The following PCDHA7 variants were observed in gnomAD, a reference collection of about 807,000 sequenced individuals.
PCDHA7 encodes protocadherin alpha-7.
Under a neutral mutation model 57.2 loss-of-function variants are expected in PCDHA7, and 37 were observed. The observed-to-expected ratio is 0.65, with a 90% CI of 0.50 to 0.85. The LOEUF (loss-of-function observed/expected upper bound fraction) is 0.85. Among genes scored for constraint, PCDHA7 ranks in the 40% least tolerant of loss-of-function variants. PCDHA7 has a pLI of 0.00. For synonymous variants in PCDHA7, 553 were observed against 558.8 expected (o/e 0.99, Z 0.15); for missense variants, 1,188 against 1,241.8 (o/e 0.96, Z 0.65).
At chr5:140,919,452 A>G (rs1430872710) in intron 1 of PCDHA7, among the ~76,000 whole-genome samples, 4 of 152,182 alleles carry the variant, frequency 2.6e-5, no homozygotes, top group Non-Finnish European at 4.4e-5. Context: ...ATGTATTCAC[A>G]TGATGTTACT....
At chr5:140,898,720 T>C (rs1343662110) in intron 1 of PCDHA7, among the ~76,000 whole-genome samples, 5 of 152,214 alleles carry the variant, frequency 3.3e-5, no homozygotes, top group African/African-American at 4.8e-5. Flanking sequence ...TTTCCAATTC[T>C]GTGAAGAAAG....
intron 1 of PCDHA7, chr5:140,968,752 C>T: frequency 6.2e-7 from 1 of 1,614,094 alleles, no homozygotes; most frequent in Non-Finnish European, 8.5e-7. Context: ...CCGTGGTGGT[C>T]CGAGATAATG....
At chr5:140,942,364 A>AT (rs1401660324) in intron 1 of PCDHA7, among the ~76,000 whole-genome samples, 1 of 152,040 alleles carries the variant, frequency 6.6e-6, no homozygotes, top group Non-Finnish European at 1.5e-5. Context: ...GTTAACGGAG[A>AT]TTGCACCACT....
At chr5:140,996,597 C>G (rs183031992) in intron 3 of PCDHA7, among the ~76,000 whole-genome samples, 47 of 152,304 alleles carry the variant, frequency 3.1e-4, no homozygotes, top group African/African-American at 1.1e-3. Context: ...CGCCTCCCCC[C>G]ATTTTCATTT....
Position 140,834,302 on chromosome 5 carries a change from A to T in PCDHA7, c.-82A>T. The T allele has an allele frequency of 7.7e-7, 1 of 1,294,438 alleles. No homozygotes were observed. The highest frequency in any genetic ancestry group is 2.3e-5 in the East Asian group (1 of 43,158). 80.2% of individuals were successfully genotyped at this position (1,294,438 alleles called of 1,614,324 possible). On this transcript the variant is annotated 5_prime_UTR_variant, in exon 1 of 4. The change creates a premature stop within an existing upstream ORF in the 5' untranslated region. Coordinates refer to ENST00000525929, the MANE Select transcript of PCDHA7 (RefSeq NM_018910.3). ...GATGCACAACAATGGCCACACATCGAGATTGAAATGAAGGGATAAAAACAT... is the reference window on the plus strand; with the variant it reads ...GATGCACAACAATGGCCACACATCGTGATTGAAATGAAGGGATAAAAACAT...
At chr5:140,979,571 G>A (rs2096856939) in intron 2 of PCDHA7, among the ~76,000 whole-genome samples, 1 of 152,154 alleles carries the variant, frequency 6.6e-6, no homozygotes. Flanking sequence ...GCCATGTAAA[G>A]GGCTCCAAAT....
intron 1 of PCDHA7, chr5:140,836,978 G>A (rs1774847497): frequency 2.7e-6 from 1 of 370,178 alleles, no homozygotes; most frequent in Admixed American, 4.2e-5. Context: ...TCCATTTTTG[G>A]AGGAGGACTT....
chr5:140,981,948 G>T (rs544785800), intron 2 of PCDHA7, among the ~76,000 whole-genome samples: 26 of 152,230 alleles, frequency 1.7e-4, no homozygotes, highest in African/African-American at 6.0e-4. Context: ...TATAGGGTGG[G>T]TCATCTATGC....
chr5:140,883,313 G>T, intron 1 of PCDHA7: 1 of 1,614,118 alleles, frequency 6.2e-7, no homozygotes, highest in Non-Finnish European at 8.5e-7. Context: ...TAACGCCCCA[G>T]AGGTTACCAT....
chr5:140,840,849 C>G (rs1369023215), intron 1 of PCDHA7, among the ~76,000 whole-genome samples: 2 of 151,942 alleles, frequency 1.3e-5, no homozygotes, highest in Non-Finnish European at 2.9e-5. Context: ...TGCATTTCTT[C>G]CACACGAAAC....
intron 1 of PCDHA7, chr5:140,884,293 GC>G: frequency 6.2e-7 from 1 of 1,613,666 alleles, no homozygotes; most frequent in Non-Finnish European, 8.5e-7. Flanking sequence ...GCGGCCAAGC[GC>G]CACAGGCTTC....
intron 2 of PCDHA7, among the ~76,000 whole-genome samples, chr5:140,980,905 A>G (rs182283088): frequency 1.5e-4 from 23 of 152,274 alleles, no homozygotes; most frequent in Admixed American, 1.4e-3. Context: ...ACATCATGTA[A>G]CTATTCTTTA....
chr5:141,003,714 C>T (rs781976885), intron 3 of PCDHA7, among the ~76,000 whole-genome samples: 17 of 152,266 alleles, frequency 1.1e-4, no homozygotes, highest in South Asian at 2.1e-4. Flanking sequence ...GTGAAGATAT[C>T]GGCTAATCCA....
intron 1 of PCDHA7, chr5:140,856,729 G>T: frequency 1.3e-6 from 2 of 1,595,560 alleles, no homozygotes; most frequent in East Asian, 2.2e-5. Flanking sequence ...CTGTTTCTCT[G>T]CTGATCCTGG....
At position 140,951,793 on chromosome 5, in the gene PCDHA7, C is replaced by T. The variant is rs536005204; in HGVS notation, c.2356-27156C>T. 5.3e-5 allele frequency among the ~76,000 whole-genome samples: 8 copies of T among 152,244 alleles called. No homozygotes were observed. The South Asian group carries it at 1.7e-3, about 32-fold the overall frequency. On this transcript the variant is annotated intron_variant, in intron 1 of 3. Coordinates refer to ENST00000525929, the MANE Select transcript of PCDHA7 (RefSeq NM_018910.3). ...TTCTTACATTGCAAAATACAATTAT[C>T]CCTTCCCAATGGTCCCTCAAAGTCT...
intron 1 of PCDHA7, chr5:140,967,260 C>G: frequency 6.2e-7 from 1 of 1,613,500 alleles, no homozygotes; most frequent in Non-Finnish European, 8.5e-7. Flanking sequence ...GCGCCTGGAG[C>G]GCGCTTTCAC....
At chr5:140,873,592 T>G (rs936003894) in intron 1 of PCDHA7, among the ~76,000 whole-genome samples, 1 of 152,234 alleles carries the variant, frequency 6.6e-6, no homozygotes, top group African/African-American at 2.4e-5. Flanking sequence ...TAAGCTAAAC[T>G]TAGATGTTCC....
chr5:140,890,776 A>T (rs1554184541), intron 1 of PCDHA7, among the ~76,000 whole-genome samples: 2 of 152,198 alleles, frequency 1.3e-5, no homozygotes, highest in Non-Finnish European at 2.9e-5. Context: ...TTAAAACCCC[A>T]TAAGATATTA....
intron 1 of PCDHA7, among the ~76,000 whole-genome samples, chr5:140,885,555 C>T (rs1225816980): frequency 3.3e-5 from 5 of 151,940 alleles, no homozygotes; most frequent in South Asian, 2.1e-4. Flanking sequence ...GTTATTTCTA[C>T]GAAATTGATT....
Sources: allele counts gnomAD v4.1 joint callset (sites outside exome capture counted in the v4.1 genomes callset), GRCh38; gene constraint gnomAD v4.1.1; transcripts MANE v1.5; gene names NCBI Gene and HGNC (gene_info 2026-07-23, HGNC 2026-07-21).